KCNT1: variants seen among roughly 807,000 people sequenced by gnomAD.
The protein encoded by KCNT1 is potassium channel subfamily T member 1.
A neutral mutation model predicts 147.8 loss-of-function variants in KCNT1; 78 were observed. The ratio of observed to expected loss-of-function variants is 0.53; its 90% CI spans 0.44 to 0.64. The LOEUF (loss-of-function observed/expected upper bound fraction) is 0.64. Among genes scored for constraint, KCNT1 ranks in the 30% least tolerant of loss-of-function variants. The pLI, the probability that KCNT1 is intolerant of heterozygous loss-of-function variation, is 0.00. For synonymous variants in KCNT1, 867 were observed against 748.8 expected (o/e 1.16, Z -2.58); for missense variants, 1,419 against 1,750.3 (o/e 0.81, Z 3.38).
At chr9:135,791,171 C>T (rs1275718242) in intron 29 of KCNT1, 1 of 153,386 alleles carries the variant, frequency 6.5e-6, no homozygotes, top group Non-Finnish European at 1.5e-5. Context: ...AATGGCCTGT[C>T]CAGGCCCGGG....
intron 1 of KCNT1, among the ~76,000 whole-genome samples, chr9:135,705,705 T>C (rs1255475885): frequency 6.6e-6 from 1 of 152,198 alleles, no homozygotes; most frequent in Non-Finnish European, 1.5e-5. Flanking sequence ...CCTGTGGAAC[T>C]TGGAAGTGAG....
rs1588423985 is a variant in KCNT1, at chr9:135,792,318, GC to G, written c.*158del. The G allele has an allele frequency of 3.1e-6, 3 of 979,136 alleles. No individual in the cohort carries two copies. Among genetic ancestry groups the G allele is most frequent in the East Asian group, 2.7e-5 (1 of 36,430 alleles). 60.7% of individuals were successfully genotyped at this position (979,136 alleles called of 1,614,324 possible). On this transcript the variant is annotated 3_prime_UTR_variant, in exon 31 of 31. Coordinates refer to ENST00000371757, the MANE Select transcript of KCNT1 (RefSeq NM_020822.3). ...TCCACCCTGGAAAGGAGCCCCTCATGCGGGGGGAGGGCCAGCTCACCCCTGG... is the reference window on the plus strand; with the variant it reads ...TCCACCCTGGAAAGGAGCCCCTCATGGGGGGGAGGGCCAGCTCACCCCTGG...
chr9:135,732,007 GAGAGAGAGA>G (rs1836484959), intron 2 of KCNT1, among the ~76,000 whole-genome samples: 1 of 91,132 alleles, frequency 1.1e-5, no homozygotes, highest in Non-Finnish European at 2.3e-5. Context: ...GAGAGAGAGA[GAGAGAGAGA>G]GAGAGAGAGA....
At chr9:135,778,965 CGCCACA>C (rs1360428491) in intron 23 of KCNT1, 143 bp downstream of exon 23, 6 of 1,034,274 alleles carry the variant, frequency 5.8e-6, no homozygotes, top group African/African-American at 3.4e-5. Context: ...GCCCTGAGAC[CGCCACA>C]GCCACGACCA....
At position 135,778,405 on chromosome 9, in the gene KCNT1, A is replaced by T; in HGVS notation, c.2523-19A>T. On this transcript the variant is annotated intron_variant, in intron 21 of 30. Transcript: ENST00000371757. ...GCCTTGAAGCAGGGTGGGCCCCTCC[A>T]GGACCGCTGTCCCCACAGGCCCGAC... 6.5e-7 allele frequency: 1 copy of T among 1,549,718 alleles called. No homozygotes were observed. The highest frequency in any genetic ancestry group is 1.2e-5 in the South Asian group (1 of 84,048).
chr9:135,776,407 A>G (rs535522667), intron 20 of KCNT1, among the ~76,000 whole-genome samples: 1 of 151,634 alleles, frequency 6.6e-6, no homozygotes, highest in Non-Finnish European at 1.5e-5. Flanking sequence ...ACAGGCACGC[A>G]CCACCACACC....
intron 2 of KCNT1, chr9:135,736,645 A>G (rs1830353289): frequency 4.7e-6 from 1 of 213,526 alleles, no homozygotes; most frequent in Non-Finnish European, 9.1e-6. Flanking sequence ...GGCGCGGGCC[A>G]AGCTGCCGCG....
chr9:135,733,276 C>T (rs1176401773), intron 2 of KCNT1, among the ~76,000 whole-genome samples: 4 of 92,166 alleles, frequency 4.3e-5, no homozygotes, highest in Non-Finnish European at 8.5e-5. Flanking sequence ...TGCCCTCACA[C>T]CTGCCCCCCA....
intron 11 of KCNT1, among the ~76,000 whole-genome samples, chr9:135,763,161 G>A (rs1391479671): frequency 1.3e-5 from 2 of 152,234 alleles, no homozygotes; most frequent in African/African-American, 4.8e-5. Context: ...AGGTGGGCCT[G>A]TGCTGTCCCT....
At chr9:135,786,147 C>G (rs768488203) in intron 28 of KCNT1, 50 bp from the exon 29 acceptor site, 84 of 1,543,694 alleles carry the variant, frequency 5.4e-5, no homozygotes, top group Non-Finnish European at 7.2e-5. Context: ...GCCCGCGACC[C>G]TCCCGGCAGC....
At position 135,775,403 on chromosome 9, in the gene KCNT1, G is replaced by A. The variant is rs544099606; in HGVS notation, c.2337G>A (p.Leu779=). 2 of 1,610,152 alleles carry A rather than the reference G, an allele frequency of 1.2e-6. No homozygotes were observed. Among genetic ancestry groups the A allele is most frequent in the East Asian group, 2.2e-5 (1 of 44,806 alleles). Reference sequence around the variant, plus strand: ...CTGTGAAAGCCCCCTTCTGCTGCCTGCGGCTGGACAAGGTAAGGCTGGCGG... The same window carrying A: ...CTGTGAAAGCCCCCTTCTGCTGCCTACGGCTGGACAAGGTAAGGCTGGCGG... The part of the protein sequence containing the change: ...LLPVKAPFCC[L]RLDKGCKHNS... The change falls in exon 20 of 31, where the codon CTG becomes CTA. Residue 779 remains leucine (L), a synonymous_variant. Transcript: ENST00000371757.
At chr9:135,784,508 TCCCTC>T (rs762234675) in intron 25 of KCNT1, 22 bp from the exon 26 acceptor site, 1 of 157,502 alleles carries the variant, frequency 6.3e-6, no homozygotes, top group South Asian at 5.8e-5. Flanking sequence ...CCTCCCTCCC[TCCCTC>T]CCTCCCTCCC....
At chr9:135,720,342 C>A (rs2131339913) in intron 2 of KCNT1, among the ~76,000 whole-genome samples, 1 of 152,162 alleles carries the variant, frequency 6.6e-6, no homozygotes, top group Admixed American at 6.5e-5. Context: ...GCCCTGCCCT[C>A]CGAGCCCTCA....
chr9:135,792,359 G>A lies in KCNT1; in HGVS notation c.*198G>A, dbSNP rs1834604166. Reference sequence around the variant, plus strand: ...CTCACCCCTGGGCACCTGCAGGCTAGTGAGGAGAGTTTTTTAACCTATTTT... The same window carrying A: ...CTCACCCCTGGGCACCTGCAGGCTAATGAGGAGAGTTTTTTAACCTATTTT... On this transcript the variant is annotated 3_prime_UTR_variant, in exon 31 of 31. Coordinates refer to ENST00000371757, the MANE Select transcript of KCNT1 (RefSeq NM_020822.3). 1 of 596,896 alleles carries A rather than the reference G, an allele frequency of 1.7e-6. No homozygotes were observed. Among genetic ancestry groups the A allele is most frequent in the African/African-American group, 1.9e-5 (1 of 53,464 alleles). The allele number at this position is 596,896 out of a possible 1,614,324, so 37.0% of individuals were successfully genotyped here.
rs944154422 is a variant in KCNT1, at chr9:135,707,707, C to T, written c.110+5339C>T. On this transcript the variant is annotated intron_variant, in intron 1 of 30. Transcript: ENST00000371757. ...CCCAAGCCCAGGCTTCTGCCTCCCC[C>T]GACAACCTTGGGCACGGGTCCAGGG... is the stretch of plus-strand genomic sequence containing the variant. Among the ~76,000 whole-genome samples the T allele has an allele frequency of 4.6e-5, 7 of 152,314 alleles. No individual in the cohort carries two copies. The East Asian group carries it at 1.4e-3, about 29-fold the overall frequency.
intron 19 of KCNT1, among the ~76,000 whole-genome samples, chr9:135,774,386 G>T (rs1250010748): frequency 7.2e-6 from 1 of 139,662 alleles, no homozygotes; most frequent in African/African-American, 2.7e-5. Flanking sequence ...TGTGTGTTGC[G>T]TATGTTGTGT....
chr9:135,784,974 T>C lies in KCNT1; in HGVS notation c.3156+85T>C, dbSNP rs1833928633. On this transcript the variant is annotated intron_variant, in intron 27 of 30. Coordinates refer to ENST00000371757, the MANE Select transcript of KCNT1 (RefSeq NM_020822.3). ...ATCCCCACCTTCCGGGGGCTGGGAC[T>C]GTGGCAGCCCCTGTCCTGTGTGACC... 22 of 1,546,316 alleles carry C rather than the reference T, an allele frequency of 1.4e-5. No individual in the cohort carries two copies. In the South Asian group the frequency reaches 2.1e-4, roughly 15 times the overall value.
At chr9:135,744,665 G>C (rs752688233) in intron 2 of KCNT1, among the ~76,000 whole-genome samples, 1 of 152,238 alleles carries the variant, frequency 6.6e-6, no homozygotes. Context: ...TGTCCTCACG[G>C]TGCCAGGGAC....
At chr9:135,731,924 C>CA (rs1421253227) in intron 2 of KCNT1, among the ~76,000 whole-genome samples, 2 of 141,476 alleles carry the variant, frequency 1.4e-5, no homozygotes, top group Admixed American at 1.5e-4. Context: ...TTCTTTGCTT[C>CA]ATCATCACAT....
Sources: gnomAD v4.1 joint callset for allele counts (sites outside exome capture counted in the v4.1 genomes callset) on GRCh38, gnomAD v4.1.1 for gene constraint, MANE v1.5 for transcripts, NCBI Gene and HGNC (gene_info 2026-07-23, HGNC 2026-07-21) for gene names.